CNBD1: variants seen among roughly 807,000 people sequenced by gnomAD.
CNBD1 encodes cyclic nucleotide-binding domain-containing protein 1.
Under a neutral mutation model 54.4 loss-of-function variants are expected in CNBD1, and 71 were observed. The observed-to-expected ratio is 1.30, with a 90% confidence interval of 1.08 to 1.59. The LOEUF (loss-of-function observed/expected upper bound fraction) is 1.59. CNBD1 is among the 40% of genes most tolerant of loss of function. The pLI is 0.00. For missense variants in CNBD1, 659 were observed against 518.0 expected, an observed-to-expected ratio of 1.27 and a Z score of -2.64; for synonymous variants, 182 against 170.7, an observed-to-expected ratio of 1.07 and a Z score of -0.51.
intron 4 of CNBD1, among the ~76,000 whole-genome samples, chr8:87,039,820 G>A (rs1175243667): frequency 1.3e-5 from 2 of 152,118 alleles, no homozygotes; most frequent in South Asian, 2.1e-4. Flanking sequence ...TGGAGATGGA[G>A]TCTCCATAGG....
chr8:87,396,017 T>C (rs1365132126), intron 2 of CNBD1, among the ~76,000 whole-genome samples: 1 of 151,920 alleles, frequency 6.6e-6, no homozygotes, highest in Non-Finnish European at 1.5e-5. Flanking sequence ...GAACTGTGAG[T>C]CAATTAAACC....
At chr8:87,331,753 T>C (rs368633975) in intron 8 of CNBD1, among the ~76,000 whole-genome samples, 2 of 152,206 alleles carry the variant, frequency 1.3e-5, no homozygotes, top group African/African-American at 4.8e-5. Flanking sequence ...ATAATTGCCA[T>C]TCTGACTGGC....
chr8:87,079,211 T>A (rs957973213), intron 4 of CNBD1, among the ~76,000 whole-genome samples: 9 of 152,132 alleles, frequency 5.9e-5, no homozygotes, highest in Non-Finnish European at 1.2e-4. Flanking sequence ...TAATGAATAG[T>A]TTTTTATTGT....
chr8:87,284,725 T>C lies in CNBD1; in HGVS notation c.819T>C (p.Asn273=). 6.2e-7 allele frequency: 1 copy of C among 1,605,982 alleles called. No individual in the cohort carries two copies. The highest frequency in any genetic ancestry group is 1.1e-5 in the South Asian group (1 of 89,270). The part of the protein sequence containing the change: ...TFGTLEVMPQ[N]ESETQMFSVV... ...GGACTCTGGAAGTTATGCCTCAGAA[T>C]GAATCGGAAACACAGATGTTCTCGG... The change falls in exon 7 of 11, where the codon AAT becomes AAC. Residue 273 remains asparagine (N), a synonymous_variant. Coordinates refer to ENST00000518476, the MANE Select transcript of CNBD1 (RefSeq NM_173538.3).
chr8:87,006,208 G>A (rs1391537323), intron 4 of CNBD1, among the ~76,000 whole-genome samples: 1 of 151,946 alleles, frequency 6.6e-6, no homozygotes, highest in Non-Finnish European at 1.5e-5. Flanking sequence ...CTAAATCGGG[G>A]GAAAAAAGTG....
At chr8:87,302,951 G>T (rs1385073662) in intron 8 of CNBD1, among the ~76,000 whole-genome samples, 1 of 151,592 alleles carries the variant, frequency 6.6e-6, no homozygotes, top group Admixed American at 6.6e-5. Context: ...ACCTCTTCAA[G>T]GAGAACTACA....
chr8:87,174,964 T>C (rs1277570393), intron 4 of CNBD1, among the ~76,000 whole-genome samples: 1 of 152,162 alleles, frequency 6.6e-6, no homozygotes, highest in African/African-American at 2.4e-5. Context: ...GTGTGGAGAC[T>C]AGAGTGACAC....
chr8:87,333,374 C>A (rs1809875275), intron 8 of CNBD1, among the ~76,000 whole-genome samples: 1 of 152,104 alleles, frequency 6.6e-6, no homozygotes, highest in Non-Finnish European at 1.5e-5. Flanking sequence ...ATTTCTTTCT[C>A]TTGCCTGATT....
chr8:87,224,503 C>G (rs1277189716), intron 5 of CNBD1, among the ~76,000 whole-genome samples: 2 of 151,104 alleles, frequency 1.3e-5, no homozygotes, highest in Non-Finnish European at 2.9e-5. Context: ...ATAGGGAATC[C>G]TTTCCCCATT....
At position 87,140,282 on chromosome 8, in the gene CNBD1, CAAAT is replaced by C. The variant is rs1376828216; in HGVS notation, c.432-65708_432-65705del. 2.0e-5 allele frequency among the ~76,000 whole-genome samples: 3 copies of C among 151,914 alleles called. No individual in the cohort carries two copies. In the East Asian group the frequency reaches 5.8e-4, roughly 29 times the overall value. On this transcript the variant is annotated intron_variant, in intron 4 of 10. Transcript: ENST00000518476. ...AATATAGCTCACCTTACTGAAATAA[CAAAT>C]AATGTGAAAATGTTATGTATTCGAT...
chr8:86,984,326 C>T (rs1435479700), intron 4 of CNBD1, among the ~76,000 whole-genome samples: 1 of 152,096 alleles, frequency 6.6e-6, no homozygotes, highest in Non-Finnish European at 1.5e-5. Context: ...GGGGTGGGGC[C>T]CTTATGGAGA....
At chr8:87,406,743 G>T (rs1218440485) in intron 2 of CNBD1, among the ~76,000 whole-genome samples, 3 of 152,144 alleles carry the variant, frequency 2.0e-5, no homozygotes, top group East Asian at 3.9e-4. Context: ...CTCCCAAAAT[G>T]CTGGGATTAC....
intron 8 of CNBD1, among the ~76,000 whole-genome samples, chr8:87,350,919 C>T (rs568714152): frequency 3.6e-4 from 54 of 152,010 alleles, no homozygotes; most frequent in Non-Finnish European, 7.1e-4. Flanking sequence ...TAATAGAATT[C>T]ACCTTCAAAT....
intron 8 of CNBD1, among the ~76,000 whole-genome samples, chr8:87,326,032 G>T (rs1369354172): frequency 1.7e-5 from 2 of 118,676 alleles, no homozygotes; most frequent in Admixed American, 8.2e-5. Flanking sequence ...TTGCTTGTCT[G>T]TAAAGTATTT....
chr8:87,028,248 C>T (rs941400561), intron 4 of CNBD1, among the ~76,000 whole-genome samples: 11 of 152,186 alleles, frequency 7.2e-5, no homozygotes, highest in African/African-American at 2.7e-4. Context: ...TGCCAATTTT[C>T]AAAGGCAGCT....
chr8:87,018,158 G>A (rs886187373), intron 4 of CNBD1, among the ~76,000 whole-genome samples: 4 of 152,280 alleles, frequency 2.6e-5, no homozygotes, highest in Admixed American at 6.5e-5. Context: ...CAGAAGAATC[G>A]CTTGAACCTG....
intron 2 of CNBD1, among the ~76,000 whole-genome samples, chr8:87,407,932 A>G (rs1450739205): frequency 6.6e-6 from 1 of 151,948 alleles, no homozygotes. Flanking sequence ...TGGCTTTTCA[A>G]TTGTCTTCAT....
chr8:87,056,854 C>T (rs977606882), intron 4 of CNBD1, among the ~76,000 whole-genome samples: 3 of 151,958 alleles, frequency 2.0e-5, no homozygotes, highest in Admixed American at 6.6e-5. Context: ...AATAGCAAAA[C>T]AAGTTTGCAC....
At chr8:87,342,411 A>G (rs1158485088) in intron 8 of CNBD1, among the ~76,000 whole-genome samples, 1 of 152,198 alleles carries the variant, frequency 6.6e-6, no homozygotes, top group Non-Finnish European at 1.5e-5. Flanking sequence ...TAATTAGAGT[A>G]TATTTCTCTC....
Sources: allele counts gnomAD v4.1 joint callset (sites outside exome capture counted in the v4.1 genomes callset), GRCh38; gene constraint gnomAD v4.1.1; transcripts MANE v1.5; gene names NCBI Gene and HGNC (gene_info 2026-07-23, HGNC 2026-07-21).